The following GMDS variants were observed in gnomAD, a reference collection of about 807,000 sequenced individuals.
The protein encoded by GMDS is GDP-mannose 4,6-dehydratase, also known as GDP-mannose 4,6 dehydratase.
GMDS carries 20 observed loss-of-function variants against 49.9 expected under a neutral mutation model. The observed-to-expected ratio is 0.40, with a 90% CI of 0.28 to 0.58. The LOEUF (loss-of-function observed/expected upper bound fraction) is 0.58. Ranked by LOEUF, GMDS falls within the 20% of genes least tolerant of loss-of-function variation. The probability of loss-of-function intolerance (pLI) is 0.42; values close to 1 mark genes in which losing one functional copy is unlikely to be tolerated. For missense variants in GMDS, 362 were observed against 481.4 expected (o/e 0.75, Z 2.32); for synonymous variants, 177 against 178.6 (o/e 0.99, Z 0.07).
At chr6:2,107,944 C>T (rs1774333396) in intron 4 of GMDS, among the ~76,000 whole-genome samples, 1 of 152,154 alleles carries the variant, frequency 6.6e-6, no homozygotes, top group South Asian at 2.1e-4. Flanking sequence ...TCATAATTTG[C>T]TAACAAACTA....
At chr6:2,013,482 T>C (rs1767690726) in intron 4 of GMDS, among the ~76,000 whole-genome samples, 1 of 152,132 alleles carries the variant, frequency 6.6e-6, no homozygotes, top group Admixed American at 6.5e-5. Context: ...CAGATTCACA[T>C]ATAACAGATT....
At chr6:1,632,235 A>G (rs1763022827) in intron 9 of GMDS, among the ~76,000 whole-genome samples, 1 of 152,244 alleles carries the variant, frequency 6.6e-6, no homozygotes, top group African/African-American at 2.4e-5. Flanking sequence ...AATACACTTT[A>G]CACACATTAA....
intron 6 of GMDS, among the ~76,000 whole-genome samples, chr6:1,942,321 T>A (rs1028081066): frequency 6.6e-6 from 1 of 152,196 alleles, no homozygotes; most frequent in Non-Finnish European, 1.5e-5. Flanking sequence ...TCCCAGCCTC[T>A]AGTAGGCCAC....
At chr6:2,079,014 C>A (rs1167044323) in intron 4 of GMDS, among the ~76,000 whole-genome samples, 1 of 67,198 alleles carries the variant, frequency 1.5e-5, no homozygotes, top group South Asian at 4.3e-4. Context: ...GCATAATGAC[C>A]TTGTCTTTTT....
intron 4 of GMDS, among the ~76,000 whole-genome samples, chr6:2,026,217 C>T (rs545468314): frequency 6.6e-6 from 1 of 152,104 alleles, no homozygotes; most frequent in Admixed American, 6.6e-5. Flanking sequence ...CCATGTGGCT[C>T]GCTCTTTATC....
chr6:2,028,588 T>C (rs957275982), intron 4 of GMDS, among the ~76,000 whole-genome samples: 1 of 152,184 alleles, frequency 6.6e-6, no homozygotes, highest in Non-Finnish European at 1.5e-5. Flanking sequence ...ATCTTCAGTC[T>C]TGTAACGAAA....
chr6:1,845,289 C>T (rs530549252), intron 7 of GMDS, among the ~76,000 whole-genome samples: 15 of 152,224 alleles, frequency 9.9e-5, no homozygotes, highest in East Asian at 1.9e-4. Flanking sequence ...ATGGGTTTCA[C>T]GGTCATAGTT....
chr6:2,181,330 G>A (rs140815417), intron 1 of GMDS, among the ~76,000 whole-genome samples: 2 of 152,160 alleles, frequency 1.3e-5, no homozygotes, highest in East Asian at 1.9e-4. Context: ...TCGACAGATG[G>A]CATCTGTATT....
intron 7 of GMDS, among the ~76,000 whole-genome samples, chr6:1,880,922 A>G (rs988139306): frequency 1.3e-5 from 2 of 152,166 alleles, no homozygotes; most frequent in African/African-American, 2.4e-5. Flanking sequence ...TTAGTAGAAA[A>G]ATTAAACTAG....
rs146964278 is a variant in GMDS at position 2,002,153 on chromosome 6, A to G, written c.346-41187T>C. Among the ~76,000 whole-genome samples the G allele has an allele frequency of 4.8e-3, 727 of 152,324 alleles. 10 individuals are homozygous for G. Among genetic ancestry groups the G allele is most frequent in the Middle Eastern group, 0.037 (11 of 294 alleles). On this transcript the variant is annotated intron_variant, in intron 4 of 10. Transcript: ENST00000380815. ...GATTTATATAAAGTTCTGGAATCAC[A>G]TTTCCTTTGTTCCACCATCTTCTAA...
chr6:2,172,752 T>C (rs893705341), intron 1 of GMDS, among the ~76,000 whole-genome samples: 15 of 151,858 alleles, frequency 9.9e-5, no homozygotes, highest in African/African-American at 2.7e-4. Context: ...CATGGAAAAC[T>C]GGTGCCCCAA....
chr6:1,861,618 C>CA (rs563437388), intron 7 of GMDS, among the ~76,000 whole-genome samples: 3,248 of 107,886 alleles, frequency 0.03, 112 homozygotes, highest in East Asian at 0.2. Context: ...CTCTTTCTCC[C>CA]AAAAAAAAAA....
At chr6:2,052,022 C>T (rs1770429608) in intron 4 of GMDS, among the ~76,000 whole-genome samples, 1 of 148,912 alleles carries the variant, frequency 6.7e-6, no homozygotes, top group African/African-American at 2.5e-5. Flanking sequence ...GAGGCTGAGG[C>T]AGGAGAATCG....
At chr6:1,961,370 T>G (rs1270741387) in intron 4 of GMDS, among the ~76,000 whole-genome samples, 2 of 152,226 alleles carry the variant, frequency 1.3e-5, no homozygotes, top group Admixed American at 6.5e-5. Context: ...TTGATTTTTA[T>G]GTACAGAGAA....
chr6:1,773,120 C>G (rs1018156879), intron 7 of GMDS, among the ~76,000 whole-genome samples: 1 of 150,676 alleles, frequency 6.6e-6, no homozygotes, highest in Non-Finnish European at 1.5e-5. Context: ...AGCAGAAATT[C>G]AAGGGGAAAA....
chr6:2,126,752 G>A (rs1425019353), intron 1 of GMDS, among the ~76,000 whole-genome samples: 1 of 152,096 alleles, frequency 6.6e-6, no homozygotes, highest in Non-Finnish European at 1.5e-5. Flanking sequence ...TCGTGCCTCA[G>A]CCTCCCAAAT....
intron 9 of GMDS, among the ~76,000 whole-genome samples, chr6:1,700,141 T>G (rs1765494543): frequency 6.6e-6 from 1 of 152,224 alleles, no homozygotes; most frequent in Middle Eastern, 3.2e-3. Context: ...ATTTTGTCCA[T>G]CTATTCAAAG....
rs148485603 is a variant in GMDS at position 1,768,031 on chromosome 6, G to GTGGGTC, written c.772-25451_772-25446dup. Among the ~76,000 whole-genome samples the GTGGGTC allele has an allele frequency of 5.0e-3, 760 of 152,234 alleles. 7 individuals carry two copies. The highest frequency in any genetic ancestry group is 0.018 in the African/African-American group (729 of 41,528). On this transcript the variant is annotated intron_variant, in intron 7 of 10. Transcript: ENST00000380815. ...CCTAGTTTCATAATAAAGGTAAAAA[G>GTGGGTC]TGGGTCTGGTGGTGTTAAAATAGGT...
chr6:1,764,095 A>G (rs79507370), intron 7 of GMDS, among the ~76,000 whole-genome samples: 1 of 150,278 alleles, frequency 6.7e-6, no homozygotes, highest in Non-Finnish European at 1.5e-5. Flanking sequence ...AGGAGCGAAG[A>G]AAAAAAAAAG....
Sources: gnomAD v4.1 joint callset for allele counts (sites outside exome capture counted in the v4.1 genomes callset) on GRCh38, gnomAD v4.1.1 for gene constraint, MANE v1.5 for transcripts, NCBI Gene and HGNC (gene_info 2026-07-23, HGNC 2026-07-21) for gene names.